Variants in ALCAM observed in about 807,000 individuals in gnomAD.
The protein encoded by ALCAM is CD166 antigen.
A neutral mutation model predicts 70.9 loss-of-function variants in ALCAM; 30 were observed. That is an observed-to-expected ratio of 0.42 (90% CI 0.32 to 0.57). The LOEUF is 0.57. Among genes scored for constraint, ALCAM ranks in the 20% least tolerant of loss-of-function variants. The pLI, the probability that ALCAM is intolerant of heterozygous loss-of-function variation, is 0.11. For missense variants in ALCAM, 591 were observed against 695.1 expected, an observed-to-expected ratio of 0.85 and a Z score of 1.68; for synonymous variants, 249 against 242.5, an observed-to-expected ratio of 1.03 and a Z score of -0.25.
chr3:105,520,999 A>G (rs369215667), intron 2 of ALCAM, among the ~76,000 whole-genome samples: 2 of 152,316 alleles, frequency 1.3e-5, no homozygotes, highest in East Asian at 3.9e-4. Flanking sequence ...ATGGTCAAAT[A>G]CTTTACAAAA....
chr3:105,443,203 A>G (rs1353148350), intron 1 of ALCAM, among the ~76,000 whole-genome samples: 1 of 152,214 alleles, frequency 6.6e-6, no homozygotes, highest in Non-Finnish European at 1.5e-5. Context: ...TATTACTTGG[A>G]AAATGAAATG....
intron 1 of ALCAM, among the ~76,000 whole-genome samples, chr3:105,390,997 G>A (rs1455550449): frequency 6.6e-6 from 1 of 151,992 alleles, no homozygotes; most frequent in Non-Finnish European, 1.5e-5. Context: ...GCTTACTGTA[G>A]CCTTGTAGTG....
chr3:105,459,096 C>T lies in ALCAM; in HGVS notation c.74-60971C>T, dbSNP rs187173742. 3.3e-5 allele frequency among the ~76,000 whole-genome samples: 5 copies of T among 152,242 alleles called. No individual in the cohort carries two copies. The South Asian group carries it at 8.3e-4, about 25-fold the overall frequency. ...AGATTGTCTCCCTTGCTTCAACTCC[C>T]AGCTTTCCCCCACTCATAGTCTATG... is the stretch of plus-strand genomic sequence containing the variant. On this transcript the variant is annotated intron_variant, in intron 1 of 15. Coordinates refer to ENST00000306107, the MANE Select transcript of ALCAM (RefSeq NM_001627.4).
chr3:105,569,529 A>C (rs189923493), intron 14 of ALCAM, among the ~76,000 whole-genome samples: 3 of 152,164 alleles, frequency 2.0e-5, no homozygotes, highest in African/African-American at 7.2e-5. Context: ...TATTTTGTCA[A>C]CTTGCTTATA....
At chr3:105,391,304 TC>T (rs1343118614) in intron 1 of ALCAM, among the ~76,000 whole-genome samples, 1 of 152,052 alleles carries the variant, frequency 6.6e-6, no homozygotes, top group Non-Finnish European at 1.5e-5. Context: ...CTTGAAGAGG[TC>T]CTTCACATCC....
chr3:105,469,327 G>C (rs1201356707), intron 1 of ALCAM, among the ~76,000 whole-genome samples: 1 of 151,122 alleles, frequency 6.6e-6, no homozygotes, highest in African/African-American at 2.4e-5. Flanking sequence ...TAGATATTAG[G>C]TAGAGTTTAC....
At chr3:105,502,518 C>T (rs1359490691) in intron 1 of ALCAM, among the ~76,000 whole-genome samples, 1 of 152,108 alleles carries the variant, frequency 6.6e-6, no homozygotes, top group Non-Finnish European at 1.5e-5. Flanking sequence ...AGGAGAAAGG[C>T]CATCAGCCAG....
Position 105,548,917 on chromosome 3 carries a change from G to A in ALCAM, c.1375-1210G>A, listed in dbSNP as rs566833222. 2.0e-5 allele frequency among the ~76,000 whole-genome samples: 3 copies of A among 151,438 alleles called. No homozygotes were observed. In the South Asian group the frequency reaches 6.2e-4, roughly 31 times the overall value. On this transcript the variant is annotated intron_variant, in intron 11 of 15. Transcript: ENST00000306107. ...TAACTGCAGCAAAAAAGAACCTTTA[G>A]GTACTGGTAATACAGACATAGAAAA...
At chr3:105,475,424 C>CA (rs1461840813) in intron 1 of ALCAM, among the ~76,000 whole-genome samples, 1 of 151,898 alleles carries the variant, frequency 6.6e-6, no homozygotes, top group Non-Finnish European at 1.5e-5. Flanking sequence ...TTGCAATATG[C>CA]ATTCTGTTCA....
At chr3:105,499,615 T>C (rs1354151906) in intron 1 of ALCAM, among the ~76,000 whole-genome samples, 2 of 152,194 alleles carry the variant, frequency 1.3e-5, no homozygotes, top group African/African-American at 4.8e-5. Context: ...TACATACAAA[T>C]TAATTTCTGT....
chr3:105,453,225 A>C (rs113549473), intron 1 of ALCAM, among the ~76,000 whole-genome samples: 22,773 of 152,156 alleles, frequency 0.15, 1,814 homozygotes, highest in Middle Eastern at 0.19. Flanking sequence ...TTAAGTCTTT[A>C]ATCCATCTTG....
At chr3:105,399,221 G>A (rs1290174235) in intron 1 of ALCAM, among the ~76,000 whole-genome samples, 1 of 151,998 alleles carries the variant, frequency 6.6e-6, no homozygotes, top group Non-Finnish European at 1.5e-5. Flanking sequence ...ATTTCTGTAT[G>A]CATCATCGTA....
chr3:105,496,962 G>A (rs1018655025), intron 1 of ALCAM, among the ~76,000 whole-genome samples: 11 of 151,828 alleles, frequency 7.2e-5, no homozygotes, highest in East Asian at 3.9e-4. Context: ...TTAAATGGAC[G>A]TTTCCATCTC....
At chr3:105,551,788 A>C (rs1355499729) in intron 12 of ALCAM, among the ~76,000 whole-genome samples, 1 of 151,600 alleles carries the variant, frequency 6.6e-6, no homozygotes, top group Non-Finnish European at 1.5e-5. Flanking sequence ...GATAAACATC[A>C]CACTGTAGAC....
At chr3:105,471,908 A>G (rs530765004) in intron 1 of ALCAM, among the ~76,000 whole-genome samples, 15 of 151,380 alleles carry the variant, frequency 9.9e-5, no homozygotes, top group African/African-American at 3.6e-4. Context: ...CCTCCTAACT[A>G]TAAGTATGTA....
chr3:105,573,632 A>G (rs150956108), intron 15 of ALCAM, among the ~76,000 whole-genome samples: 2 of 152,292 alleles, frequency 1.3e-5, no homozygotes, highest in East Asian at 1.9e-4. Context: ...GCCACCTGCA[A>G]TTTGAGGTTT....
chr3:105,550,076 C>T (rs963213129), intron 11 of ALCAM, 51 bp from the exon 12 acceptor site: 20 of 1,503,488 alleles, frequency 1.3e-5, no homozygotes, highest in Non-Finnish European at 1.8e-5. Flanking sequence ...CTTTCCTATG[C>T]TTTTTAATCC....
chr3:105,509,221 A>G (rs975027198), intron 1 of ALCAM, among the ~76,000 whole-genome samples: 6 of 152,064 alleles, frequency 3.9e-5, no homozygotes, highest in Non-Finnish European at 7.4e-5. Context: ...TCTTTTAGGC[A>G]TATACCCAGA....
chr3:105,409,394 A>G (rs546726070), intron 1 of ALCAM, among the ~76,000 whole-genome samples: 8 of 152,262 alleles, frequency 5.3e-5, no homozygotes, highest in African/African-American at 1.7e-4. Context: ...GAAGGAAATA[A>G]TGATATTCAC....
Sources: gnomAD v4.1 joint callset for allele counts (sites outside exome capture counted in the v4.1 genomes callset) on GRCh38, gnomAD v4.1.1 for gene constraint, MANE v1.5 for transcripts, NCBI Gene and HGNC (gene_info 2026-07-23, HGNC 2026-07-21) for gene names.